The following LRRTM4 variants were observed in gnomAD, a reference collection of about 807,000 sequenced individuals.
The protein encoded by LRRTM4 is leucine-rich repeat transmembrane neuronal protein 4.
Under a neutral mutation model 47.6 loss-of-function variants are expected in LRRTM4, and 25 were observed. That is an observed-to-expected ratio of 0.53 (90% CI 0.38 to 0.73). The LOEUF (loss-of-function observed/expected upper bound fraction) is 0.73. LRRTM4 is among the 30% of genes least tolerant of loss of function. The probability of loss-of-function intolerance (pLI) is 0.00; values close to 1 mark genes in which losing one functional copy is unlikely to be tolerated. For synonymous variants in LRRTM4, 311 were observed against 269.5 expected, an observed-to-expected ratio of 1.15 and a Z score of -1.51; for missense variants, 638 against 713.4, an observed-to-expected ratio of 0.89 and a Z score of 1.20.
chr2:77,430,910 A>T (rs1184976144), intron 3 of LRRTM4, among the ~76,000 whole-genome samples: 3 of 147,288 alleles, frequency 2.0e-5, no homozygotes, highest in Admixed American at 6.7e-5. Flanking sequence ...GGGCCCAGAT[A>T]AAAAAAAAGT....
rs553294510 is a variant in LRRTM4, at chr2:77,175,375, G to T, written c.1551+342943C>A. 2.6e-5 allele frequency among the ~76,000 whole-genome samples: 4 copies of T among 152,022 alleles called. No individual in the cohort carries two copies. The South Asian group carries it at 6.2e-4, about 24-fold the overall frequency. On this transcript the variant is annotated intron_variant, in intron 3 of 3. Transcript: ENST00000409884. ...CAAGCTCTGTGCTAAAGGGTGGAAGGCTACCCTGACGCACCATAATCTAAG... is the reference window on the plus strand; with the variant it reads ...CAAGCTCTGTGCTAAAGGGTGGAAGTCTACCCTGACGCACCATAATCTAAG...
At chr2:77,138,429 A>G (rs993310307) in intron 3 of LRRTM4, among the ~76,000 whole-genome samples, 3 of 152,218 alleles carry the variant, frequency 2.0e-5, no homozygotes, top group African/African-American at 7.2e-5. Flanking sequence ...ACCAACAAGA[A>G]CAAAGACACA....
chr2:77,016,934 T>G (rs1444623913), intron 3 of LRRTM4, among the ~76,000 whole-genome samples: 2 of 152,148 alleles, frequency 1.3e-5, no homozygotes, highest in Non-Finnish European at 2.9e-5. Flanking sequence ...AGCACTCTAT[T>G]TGCCTGTAGT....
At chr2:77,013,135 T>G (rs895960429) in intron 3 of LRRTM4, among the ~76,000 whole-genome samples, 3 of 152,172 alleles carry the variant, frequency 2.0e-5, no homozygotes, top group African/African-American at 4.8e-5. Flanking sequence ...GATAGATCAT[T>G]ACACAAAGAT....
chr2:77,479,403 T>C (rs1042003515), intron 3 of LRRTM4, among the ~76,000 whole-genome samples: 20 of 152,196 alleles, frequency 1.3e-4, no homozygotes, highest in African/African-American at 4.1e-4. Context: ...AAAGTACATC[T>C]GACAAAAAAA....
At chr2:76,875,379 T>C (rs1398321361) in intron 3 of LRRTM4, among the ~76,000 whole-genome samples, 1 of 152,138 alleles carries the variant, frequency 6.6e-6, no homozygotes, top group Non-Finnish European at 1.5e-5. Flanking sequence ...TGTATGTGAC[T>C]CATCATATTG....
chr2:77,106,051 A>G (rs933348147), intron 3 of LRRTM4, among the ~76,000 whole-genome samples: 3 of 151,614 alleles, frequency 2.0e-5, no homozygotes, highest in African/African-American at 7.3e-5. Context: ...CCAGCTTTCT[A>G]TTTTTCTCAG....
At chr2:77,221,293 T>A (rs1012385104) in intron 3 of LRRTM4, among the ~76,000 whole-genome samples, 9 of 152,170 alleles carry the variant, frequency 5.9e-5, no homozygotes, top group African/African-American at 2.2e-4. Flanking sequence ...AGAAACTGCA[T>A]CAACTAACGA....
chr2:76,783,871 G>A (rs779119956), intron 3 of LRRTM4, among the ~76,000 whole-genome samples: 4 of 152,104 alleles, frequency 2.6e-5, no homozygotes, highest in Non-Finnish European at 5.9e-5. Context: ...TAAGATGGGA[G>A]AAGAATGTGT....
chr2:77,480,822 G>GA (rs1222517611), intron 3 of LRRTM4, among the ~76,000 whole-genome samples: 1,814 of 74,400 alleles, frequency 0.024, 63 homozygotes, highest in African/African-American at 0.075. Context: ...GTGTGTGTGT[G>GA]GAGAGAGAGA....
chr2:77,034,579 G>A (rs969268695), intron 3 of LRRTM4, among the ~76,000 whole-genome samples: 1 of 151,864 alleles, frequency 6.6e-6, no homozygotes, highest in Non-Finnish European at 1.5e-5. Context: ...ACAGTCTGGA[G>A]TTTGTTGATT....
At chr2:77,244,375 A>C (rs528740041) in intron 3 of LRRTM4, among the ~76,000 whole-genome samples, 9 of 152,010 alleles carry the variant, frequency 5.9e-5, no homozygotes, top group Admixed American at 5.2e-4. Flanking sequence ...GAACTAGTTT[A>C]CAGTCCCACC....
chr2:77,172,016 C>T (rs578072236), intron 3 of LRRTM4, among the ~76,000 whole-genome samples: 3 of 152,240 alleles, frequency 2.0e-5, no homozygotes, highest in Admixed American at 6.5e-5. Flanking sequence ...AGTGTCGCTG[C>T]GATCAACCTC....
chr2:77,403,937 G>T (rs1362874699), intron 3 of LRRTM4, among the ~76,000 whole-genome samples: 5 of 150,716 alleles, frequency 3.3e-5, no homozygotes, highest in Non-Finnish European at 7.4e-5. Context: ...TCACTAAATG[G>T]AAGAAAAATA....
chr2:77,394,838 A>G lies in LRRTM4; in HGVS notation c.1551+123480T>C, dbSNP rs565176380. 7.2e-5 allele frequency among the ~76,000 whole-genome samples: 11 copies of G among 152,076 alleles called. No individual in the cohort carries two copies. In the South Asian group the frequency reaches 1.9e-3, roughly 26 times the overall value. On this transcript the variant is annotated intron_variant, in intron 3 of 3. Transcript: ENST00000409884. ...TATGTAAACCAGCCAGAACCAGGCC[A>G]GGGTTGGTGGTCTCTTATCAGAAGA...
intron 3 of LRRTM4, among the ~76,000 whole-genome samples, chr2:77,385,248 A>AT (rs1446893945): frequency 6.6e-6 from 1 of 152,188 alleles, no homozygotes; most frequent in Non-Finnish European, 1.5e-5. Flanking sequence ...GAACCACTTG[A>AT]TTTTATAAAT....
At chr2:77,009,436 A>G (rs1677784854) in intron 3 of LRRTM4, 1 of 152,126 alleles carries the variant, frequency 6.6e-6, no homozygotes, top group Non-Finnish European at 1.5e-5. Flanking sequence ...TTCATGCAAT[A>G]TGACTCATCC....
At chr2:76,866,169 C>A (rs1356722205) in intron 3 of LRRTM4, among the ~76,000 whole-genome samples, 8 of 152,140 alleles carry the variant, frequency 5.3e-5, no homozygotes, top group African/African-American at 1.9e-4. Context: ...TTACCTACCT[C>A]CCTGCCAGAT....
chr2:77,032,292 A>T (rs996186751), intron 3 of LRRTM4, among the ~76,000 whole-genome samples: 1 of 152,148 alleles, frequency 6.6e-6, no homozygotes, highest in Non-Finnish European at 1.5e-5. Flanking sequence ...AATTTTCATT[A>T]TATCAGAGAG....
Sources: gnomAD v4.1 joint callset for allele counts (sites outside exome capture counted in the v4.1 genomes callset) on GRCh38, gnomAD v4.1.1 for gene constraint, MANE v1.5 for transcripts, NCBI Gene and HGNC (gene_info 2026-07-23, HGNC 2026-07-21) for gene names.